Variants in CSMD1 observed in about 807,000 individuals in gnomAD.
CSMD1 encodes CUB and Sushi multiple domains 1.
CSMD1 carries 213 observed loss-of-function variants against 417.5 expected under a neutral mutation model. The observed-to-expected ratio is 0.51, with a 90% CI of 0.46 to 0.57. The LOEUF (loss-of-function observed/expected upper bound fraction) is 0.57. Ranked by LOEUF, CSMD1 falls within the 20% of genes least tolerant of loss-of-function variation. The pLI, the probability that CSMD1 is intolerant of heterozygous loss-of-function variation, is 0.00. For synonymous variants in CSMD1, 2,862 were observed against 1,736.8 expected (o/e 1.65, Z -16.11); for missense variants, 6,923 against 4,529.7 (o/e 1.53, Z -15.17).
chr8:2,979,441 C>A (rs781434207), intron 54 of CSMD1, among the ~76,000 whole-genome samples: 2 of 152,222 alleles, frequency 1.3e-5, no homozygotes, highest in Non-Finnish European at 2.9e-5. Flanking sequence ...AGCCTGAATG[C>A]CTGTTGGCGT....
Position 3,986,093 on chromosome 8 carries a change from C to T in CSMD1, c.818+11810G>A, listed in dbSNP as rs1476174588. 7.9e-5 allele frequency among the ~76,000 whole-genome samples: 12 copies of T among 152,108 alleles called. 1 individual carries two copies. Among genetic ancestry groups the T allele is most frequent in the Admixed American group, 2.6e-4 (4 of 15,278 alleles). On this transcript the variant is annotated intron_variant, in intron 5 of 69. Coordinates refer to ENST00000635120, the MANE Select transcript of CSMD1 (RefSeq NM_033225.6). ...CCATCCAAAAATCAAGGATCTCGTT[C>T]GTATCTGGGAGCTACAAGTTCAGAT...
intron 20 of CSMD1, among the ~76,000 whole-genome samples, chr8:3,360,825 C>A (rs997638202): frequency 6.6e-6 from 1 of 151,680 alleles, no homozygotes; most frequent in Non-Finnish European, 1.5e-5. Context: ...TGATCCTTTT[C>A]CCCTTAGTAT....
chr8:3,283,024 C>G (rs541200940), intron 26 of CSMD1, among the ~76,000 whole-genome samples: 2 of 152,176 alleles, frequency 1.3e-5, no homozygotes, highest in African/African-American at 2.4e-5. Context: ...TATCTCCACT[C>G]CTTCCTCCTT....
chr8:4,457,084 G>C (rs1799535203), intron 2 of CSMD1, among the ~76,000 whole-genome samples: 1 of 151,886 alleles, frequency 6.6e-6, no homozygotes, highest in South Asian at 2.1e-4. Context: ...GTCTGGCACA[G>C]AGAAAAATAA....
At chr8:3,976,128 T>C (rs2407130) in intron 5 of CSMD1, among the ~76,000 whole-genome samples, 45,824 of 151,838 alleles carry the variant, frequency 0.3, 7,061 homozygotes, top group East Asian at 0.41. Context: ...ATTACCTATA[T>C]AGTAGAAATT....
intron 52 of CSMD1, among the ~76,000 whole-genome samples, chr8:3,013,390 T>C (rs544116641): frequency 6.6e-6 from 1 of 152,352 alleles, no homozygotes; most frequent in African/African-American, 2.4e-5. Flanking sequence ...TTTCACCTGA[T>C]AGCATTTTAA....
chr8:3,117,320 C>G (rs561035560), intron 42 of CSMD1, among the ~76,000 whole-genome samples: 22 of 152,140 alleles, frequency 1.4e-4, no homozygotes, highest in South Asian at 4.1e-4. Flanking sequence ...ATCCGCCCAC[C>G]TCAGCCTCCC....
Position 4,743,824 on chromosome 8 carries a change from G to A in CSMD1, c.86-106266C>T, listed in dbSNP as rs138479726. ...CAGGTGCTATGAAAACCTCTTTATC[G>A]CAAAAGCAAGCTTCTTGCGGTCCAC... On this transcript the variant is annotated intron_variant, in intron 1 of 69. Transcript: ENST00000635120. Among the ~76,000 whole-genome samples, 648 of 152,158 alleles carry A rather than the reference G, an allele frequency of 4.3e-3. 6 individuals are homozygous for A. The highest frequency in any genetic ancestry group is 0.02 in the Middle Eastern group (6 of 294).
chr8:4,198,551 C>T lies in CSMD1; in HGVS notation c.416-166452G>A, dbSNP rs1293932117. Reference sequence around the variant, plus strand: ...AGAAAGAAAGTGTCTAGAAATATGACACTTTCAGGAACGTGCACAAGGAAT... The same window carrying T: ...AGAAAGAAAGTGTCTAGAAATATGATACTTTCAGGAACGTGCACAAGGAAT... On this transcript the variant is annotated intron_variant, in intron 3 of 69. Transcript: ENST00000635120. Among the ~76,000 whole-genome samples the T allele has an allele frequency of 3.9e-5, 6 of 152,242 alleles. No homozygotes were observed. The Middle Eastern group carries it at 0.017, about 432-fold the overall frequency.
intron 7 of CSMD1, among the ~76,000 whole-genome samples, chr8:3,687,736 G>A (rs1329385150): frequency 6.6e-6 from 1 of 152,140 alleles, no homozygotes; most frequent in Admixed American, 6.5e-5. Context: ...CTGCTATCTT[G>A]AAGACAGCAG....
chr8:3,432,100 T>G (rs939520701), intron 12 of CSMD1, among the ~76,000 whole-genome samples: 1 of 152,226 alleles, frequency 6.6e-6, no homozygotes, highest in African/African-American at 2.4e-5. Flanking sequence ...CAGAACCCAG[T>G]TGGTAGTTAT....
At chr8:3,445,572 G>C (rs919319174) in intron 12 of CSMD1, among the ~76,000 whole-genome samples, 1 of 152,080 alleles carries the variant, frequency 6.6e-6, no homozygotes, top group East Asian at 1.9e-4. Flanking sequence ...TGAAAGTGCG[G>C]ATGATGAATC....
At chr8:3,551,677 C>G (rs972130436) in intron 10 of CSMD1, among the ~76,000 whole-genome samples, 14 of 145,540 alleles carry the variant, frequency 9.6e-5, no homozygotes, top group Admixed American at 2.8e-4. Flanking sequence ...TAGTTTCTTA[C>G]TCTATGTAAT....
At chr8:4,498,532 G>C (rs186084175) in intron 2 of CSMD1, among the ~76,000 whole-genome samples, 190 of 152,228 alleles carry the variant, frequency 1.2e-3, no homozygotes, top group African/African-American at 4.3e-3. Flanking sequence ...ATTTTAGGGA[G>C]GGATAGGAGA....
intron 3 of CSMD1, among the ~76,000 whole-genome samples, chr8:4,152,708 C>T (rs775162662): frequency 2.0e-5 from 3 of 151,700 alleles, no homozygotes; most frequent in Non-Finnish European, 4.4e-5. Context: ...AAAAAAAAAT[C>T]CTTTACATAT....
At chr8:3,194,631 T>C (rs1313395214) in intron 33 of CSMD1, among the ~76,000 whole-genome samples, 1 of 151,036 alleles carries the variant, frequency 6.6e-6, no homozygotes, top group African/African-American at 2.4e-5. Context: ...CTAATAATTT[T>C]TTTTTTTTTT....
At chr8:4,098,055 G>A (rs1585308506) in intron 3 of CSMD1, among the ~76,000 whole-genome samples, 2 of 152,154 alleles carry the variant, frequency 1.3e-5, no homozygotes, top group South Asian at 4.1e-4. Flanking sequence ...CACAGAGAAT[G>A]CTCACTTAAA....
chr8:4,907,119 G>C (rs1409278724), intron 1 of CSMD1, among the ~76,000 whole-genome samples: 2 of 152,186 alleles, frequency 1.3e-5, no homozygotes, highest in Non-Finnish European at 2.9e-5. Context: ...GCTGCTTTCT[G>C]TGTGTGCAAG....
intron 1 of CSMD1, among the ~76,000 whole-genome samples, chr8:4,755,961 T>G (rs890566535): frequency 9.9e-5 from 15 of 152,202 alleles, no homozygotes; most frequent in African/African-American, 3.6e-4. Context: ...ATTGTATTAT[T>G]AACAAAATCA....
Sources: allele counts gnomAD v4.1 joint callset (sites outside exome capture counted in the v4.1 genomes callset), GRCh38; gene constraint gnomAD v4.1.1; transcripts MANE v1.5; gene names NCBI Gene and HGNC (gene_info 2026-07-23, HGNC 2026-07-21).